The following CCDC102B variants were observed in gnomAD, a reference collection of about 807,000 sequenced individuals.
CCDC102B encodes the protein coiled-coil domain containing 102B, also known as coiled-coil domain-containing protein 102B.
CCDC102B carries 75 observed loss-of-function variants against 57.4 expected under a neutral mutation model. That is an observed-to-expected ratio of 1.31 (90% CI 1.08 to 1.58). The LOEUF (loss-of-function observed/expected upper bound fraction) is 1.58. CCDC102B is among the 40% of genes most tolerant of loss of function. The pLI, the probability that CCDC102B is intolerant of heterozygous loss-of-function variation, is 0.00. For synonymous variants in CCDC102B, 206 were observed against 201.9 expected, an observed-to-expected ratio of 1.02 and a Z score of -0.17; for missense variants, 636 against 582.6, an observed-to-expected ratio of 1.09 and a Z score of -0.94.
In CCDC102B at chr18:68,803,745, A is replaced by G. The variant is rs1389636988; in HGVS notation, c.-16+5564A>G. ...ATTACTTTCAATGGGAAAAATCACA[A>G]TTACATGGTCACCAACCTAATATTA... On this transcript the variant is annotated intron_variant, in intron 1 of 7. Coordinates refer to ENST00000360242, the MANE Select transcript of CCDC102B (RefSeq NM_024781.3). Among the ~76,000 whole-genome samples the G allele has an allele frequency of 4.9e-5, 7 of 143,780 alleles. No homozygotes were observed. The South Asian group carries it at 1.4e-3, about 30-fold the overall frequency. 94.3% of individuals were successfully genotyped at this position (143,780 alleles called of 152,430 possible). A position where few individuals can be genotyped will look rare whatever the true frequency, so the allele number is the denominator to read the frequency against.
intron 5 of CCDC102B, among the ~76,000 whole-genome samples, chr18:68,876,699 G>T (rs1205792439): frequency 1.3e-5 from 2 of 152,114 alleles, no homozygotes; most frequent in African/African-American, 4.8e-5. Flanking sequence ...ATGAAAGCAG[G>T]TTAATTCAGA....
chr18:68,883,919 A>C (rs1205156619), intron 5 of CCDC102B, among the ~76,000 whole-genome samples: 1 of 152,174 alleles, frequency 6.6e-6, no homozygotes, highest in African/African-American at 2.4e-5. Flanking sequence ...CTCATTCTTA[A>C]ATATAAATTA....
intron 6 of CCDC102B, among the ~76,000 whole-genome samples, chr18:68,965,960 G>C (rs75991670): frequency 0.024 from 3,692 of 152,180 alleles, 118 homozygotes; most frequent in East Asian, 0.15. Context: ...AGACACTCCT[G>C]TTACTGCTGG....
intron 2 of CCDC102B, among the ~76,000 whole-genome samples, chr18:68,731,636 TATA>T (rs1222340304): frequency 6.6e-6 from 1 of 151,092 alleles, no homozygotes; most frequent in East Asian, 2.0e-4. Context: ...ACATATATAA[TATA>T]ATATAAACAA....
At chr18:68,898,571 T>C (rs2032912437) in intron 6 of CCDC102B, among the ~76,000 whole-genome samples, 1 of 152,144 alleles carries the variant, frequency 6.6e-6, no homozygotes, top group African/African-American at 2.4e-5. Flanking sequence ...AAGTGCAGAA[T>C]TATCTCAATT....
chr18:69,022,209 A>ATATATATATATG (rs2051855175), intron 7 of CCDC102B, among the ~76,000 whole-genome samples: 1 of 141,352 alleles, frequency 7.1e-6, no homozygotes, highest in African/African-American at 2.8e-5. Flanking sequence ...ATATATATAT[A>ATATATATATATG]TATATATATA....
intron 2 of CCDC102B, among the ~76,000 whole-genome samples, chr18:68,784,398 A>G (rs972768028): frequency 3.9e-5 from 6 of 152,036 alleles, no homozygotes; most frequent in Admixed American, 3.3e-4. Flanking sequence ...ATGGTTGTAA[A>G]CCATTCATGA....
chr18:68,809,458 C>T (rs554825309), intron 1 of CCDC102B, among the ~76,000 whole-genome samples: 31 of 152,218 alleles, frequency 2.0e-4, no homozygotes, highest in African/African-American at 7.2e-4. Flanking sequence ...TACATAAAAA[C>T]CTAATGAAAA....
chr18:69,037,468 G>T (rs944553674), intron 7 of CCDC102B, among the ~76,000 whole-genome samples: 3 of 152,006 alleles, frequency 2.0e-5, no homozygotes, highest in African/African-American at 7.2e-5. Flanking sequence ...CAGGGCAATT[G>T]TACTGACTTC....
At chr18:68,833,301 TC>T (rs1300641244) in intron 1 of CCDC102B, among the ~76,000 whole-genome samples, 1 of 151,984 alleles carries the variant, frequency 6.6e-6, no homozygotes, top group African/African-American at 2.4e-5. Context: ...CTGATTGATA[TC>T]AACATTATAT....
chr18:69,008,090 C>T (rs1169102556), intron 6 of CCDC102B, among the ~76,000 whole-genome samples: 2 of 152,210 alleles, frequency 1.3e-5, no homozygotes, highest in African/African-American at 4.8e-5. Flanking sequence ...ATAACTTTCC[C>T]ATTAAGCTCT....
At chr18:68,946,584 T>C (rs1215970951) in intron 6 of CCDC102B, among the ~76,000 whole-genome samples, 1 of 152,060 alleles carries the variant, frequency 6.6e-6, no homozygotes, top group African/African-American at 2.4e-5. Flanking sequence ...ATTATATGGC[T>C]AAGTGCTTTA....
intron 4 of CCDC102B, among the ~76,000 whole-genome samples, chr18:68,855,294 GGTGT>G (rs2038331525): frequency 6.6e-6 from 1 of 151,884 alleles, no homozygotes; most frequent in East Asian, 1.9e-4. Flanking sequence ...CTAAGATAGG[GGTGT>G]CAATAAGATG....
At chr18:68,868,797 A>C (rs947498551) in intron 4 of CCDC102B, among the ~76,000 whole-genome samples, 12 of 152,220 alleles carry the variant, frequency 7.9e-5, no homozygotes, top group Admixed American at 2.0e-4. Flanking sequence ...ACAATTTCAA[A>C]AAATGACTCA....
intron 4 of CCDC102B, among the ~76,000 whole-genome samples, chr18:68,873,022 G>T (rs1194722064): frequency 6.6e-6 from 1 of 152,072 alleles, no homozygotes; most frequent in Admixed American, 6.6e-5. Context: ...GGTTTCAGAG[G>T]TTAAACGGGG....
intron 4 of CCDC102B, 97 bp downstream of exon 4, chr18:68,846,518 GA>G: frequency 1.5e-6 from 1 of 659,668 alleles, no homozygotes; most frequent in Non-Finnish European, 2.5e-6. Context: ...CAGATAAGAG[GA>G]AGGGAGGTTA....
chr18:68,967,951 TTAAG>T (rs1354746685), intron 6 of CCDC102B, among the ~76,000 whole-genome samples: 6 of 152,232 alleles, frequency 3.9e-5, no homozygotes, highest in Non-Finnish European at 7.4e-5. Context: ...ACTAATACAC[TTAAG>T]TATTTCTGTA....
At chr18:68,731,235 C>T (rs1481467013) in intron 2 of CCDC102B, among the ~76,000 whole-genome samples, 4 of 152,098 alleles carry the variant, frequency 2.6e-5, no homozygotes, top group Non-Finnish European at 5.9e-5. Context: ...CTGCCCGCCT[C>T]GGCCTCCCAA....
intron 6 of CCDC102B, among the ~76,000 whole-genome samples, chr18:68,972,676 A>G (rs2050333027): frequency 6.6e-6 from 1 of 152,180 alleles, no homozygotes; most frequent in African/African-American, 2.4e-5. Flanking sequence ...GACATTAGGT[A>G]TGAATAATGT....
Sources: gnomAD v4.1 joint callset for allele counts (sites outside exome capture counted in the v4.1 genomes callset) on GRCh38, gnomAD v4.1.1 for gene constraint, MANE v1.5 for transcripts, NCBI Gene and HGNC (gene_info 2026-07-23, HGNC 2026-07-21) for gene names.